The following ARHGAP6 variants were observed in gnomAD, a reference collection of about 807,000 sequenced individuals.
The protein encoded by ARHGAP6 is rho GTPase-activating protein 6.
In ARHGAP6, 16 loss-of-function variants were observed where a neutral mutation model predicts 55.7. The ratio of observed to expected loss-of-function variants is 0.29; its 90% CI spans 0.19 to 0.44. The LOEUF (loss-of-function observed/expected upper bound fraction) is 0.44. Ranked by LOEUF, ARHGAP6 falls within the 20% of genes least tolerant of loss-of-function variation. The pLI is 1.00. For missense variants in ARHGAP6, 698 were observed against 808.9 expected (o/e 0.86, Z 1.66); for synonymous variants, 382 against 360.9 (o/e 1.06, Z -0.66).
chrX:11,286,110 C>T (rs2047918748), intron 1 of ARHGAP6, among the ~76,000 whole-genome samples: 2 of 112,184 alleles, frequency 1.8e-5, no homozygotes, highest in African/African-American at 3.2e-5. Flanking sequence ...ATTATTGACA[C>T]CATGATTCCA....
intron 2 of ARHGAP6, among the ~76,000 whole-genome samples, chrX:11,209,613 T>A (rs780508126): frequency 8.9e-6 from 1 of 112,890 alleles, no homozygotes; most frequent in Admixed American, 9.4e-5. Flanking sequence ...AAAAAATAGA[T>A]CTATTGCTCA....
Position 11,664,576 on chromosome X carries a change from C to T in ARHGAP6, c.253G>A (p.Gly85Ser). 6 of 1,184,536 alleles carry T rather than the reference C, an allele frequency of 5.1e-6. No homozygotes were observed. The highest frequency in any genetic ancestry group is 6.8e-6 in the Non-Finnish European group (6 of 881,577). ...LGPRLASSSR[G>S]PPPRATRLPP... is the part of the protein sequence containing the mutation. ...AGCCTGGTGGCCCTGGGGGGCGGAC[C>T]CCGGGAAGAGGACGCCAAGCGAGGG... Residue 85 changes from glycine to serine, a missense_variant, in exon 1 of 13, where the codon GGT becomes AGT. Coordinates refer to ENST00000337414, the MANE Select transcript of ARHGAP6 (RefSeq NM_013427.3).
At chrX:11,223,509 T>C (rs2047001952) in intron 2 of ARHGAP6, among the ~76,000 whole-genome samples, 1 of 111,521 alleles carries the variant, frequency 9.0e-6, no homozygotes, top group Non-Finnish European at 1.9e-5. Context: ...ATAAAAATAG[T>C]CTTCCTGTAA....
chrX:11,220,777 T>A lies in ARHGAP6; in HGVS notation c.749-23781A>T, dbSNP rs767067605. Reference sequence around the variant, plus strand: ...ATAATGACAGGATCAAATTCACACATAACAATATTAACTTTAAATGTAAAT... The same window carrying A: ...ATAATGACAGGATCAAATTCACACAAAACAATATTAACTTTAAATGTAAAT... On this transcript the variant is annotated intron_variant, in intron 2 of 12. Transcript: ENST00000337414. Among the ~76,000 whole-genome samples the A allele has an allele frequency of 7.2e-4, 78 of 107,624 alleles. 1 individual carries two copies. The highest frequency in any genetic ancestry group is 1.3e-3 in the Non-Finnish European group (68 of 51,877). 93.5% of individuals were successfully genotyped at this position (107,624 alleles called of 115,157 possible). A position where few individuals can be genotyped will look rare whatever the true frequency, so the allele number is the denominator to read the frequency against.
At chrX:11,278,189 T>A (rs975081076) in intron 1 of ARHGAP6, among the ~76,000 whole-genome samples, 1 of 111,580 alleles carries the variant, frequency 9.0e-6, no homozygotes, top group African/African-American at 3.3e-5. Context: ...CACACCCTGA[T>A]TTCTGGAACC....
chrX:11,433,534 A>G (rs2049960110), intron 1 of ARHGAP6, among the ~76,000 whole-genome samples: 1 of 112,147 alleles, frequency 8.9e-6, no homozygotes, highest in Non-Finnish European at 1.9e-5. Flanking sequence ...TTTCCAAATA[A>G]CCATTTGGGA....
At position 11,215,753 on chromosome X, in the gene ARHGAP6, C is replaced by T. The variant is rs150061569; in HGVS notation, c.749-18757G>A. 1.4e-3 allele frequency among the ~76,000 whole-genome samples: 157 copies of T among 112,406 alleles called. 1 individual carries two copies. The highest frequency in any genetic ancestry group is 4.2e-3 in the African/African-American group (131 of 31,013). ...TGGAGTTAAAAACAGTCCAGGGGAG[C>T]CGGAAGAAGGTGCACGCCCAAGGGG... On this transcript the variant is annotated intron_variant, in intron 2 of 12. Coordinates refer to ENST00000337414, the MANE Select transcript of ARHGAP6 (RefSeq NM_013427.3).
At chrX:11,216,104 T>C (rs1211794245) in intron 2 of ARHGAP6, among the ~76,000 whole-genome samples, 1 of 109,660 alleles carries the variant, frequency 9.1e-6, no homozygotes, top group Non-Finnish European at 1.9e-5. Flanking sequence ...ATTCCATGTA[T>C]AGCGCTGCTT....
intron 1 of ARHGAP6, among the ~76,000 whole-genome samples, chrX:11,562,801 G>A (rs1040062047): frequency 2.7e-5 from 3 of 111,999 alleles, no homozygotes; most frequent in South Asian, 7.5e-4. Flanking sequence ...GTCACTCAAG[G>A]TTCAGTGGCT....
intron 1 of ARHGAP6, among the ~76,000 whole-genome samples, chrX:11,660,818 G>A (rs189909444): frequency 1.8e-5 from 2 of 110,734 alleles, no homozygotes; most frequent in African/African-American, 6.6e-5. Context: ...CCTTAGAAAT[G>A]GCAGTCATCT....
intron 2 of ARHGAP6, among the ~76,000 whole-genome samples, chrX:11,238,471 C>A (rs1203675285): frequency 8.9e-6 from 1 of 111,938 alleles, no homozygotes; most frequent in Admixed American, 9.4e-5. Flanking sequence ...GGATGTTTAG[C>A]ATTTAGAGAA....
In ARHGAP6 at chrX:11,225,782, C is replaced by A. The variant is rs765514732; in HGVS notation, c.748+28766G>T. 5 of 406,541 alleles carry A rather than the reference C, an allele frequency of 1.2e-5. No homozygotes were observed. The South Asian group carries it at 2.4e-4, about 19-fold the overall frequency. 33.5% of individuals were successfully genotyped at this position (406,541 alleles called of 1,213,427 possible). On this transcript the variant is annotated intron_variant, in intron 2 of 12. Coordinates refer to ENST00000337414, the MANE Select transcript of ARHGAP6 (RefSeq NM_013427.3). The stretch of plus-strand genomic sequence containing the variant: ...GTCTGTTCTATTTGGTAACACAATA[C>A]GTTCTTATAAAATACAACTCATGAA...
intron 1 of ARHGAP6, among the ~76,000 whole-genome samples, chrX:11,312,824 C>G (rs775102215): frequency 1.8e-5 from 2 of 111,471 alleles, no homozygotes; most frequent in African/African-American, 6.5e-5. Context: ...CTTCTGTCAA[C>G]TCTGCATCCA....
chrX:11,356,608 G>T (rs1260780624), intron 1 of ARHGAP6, among the ~76,000 whole-genome samples: 1 of 110,028 alleles, frequency 9.1e-6, no homozygotes, highest in East Asian at 2.9e-4. Flanking sequence ...TGTCAATGTG[G>T]GTTTTTTTCT....
chrX:11,546,200 A>G (rs1208866357), intron 1 of ARHGAP6, among the ~76,000 whole-genome samples: 1 of 110,749 alleles, frequency 9.0e-6, no homozygotes, highest in African/African-American at 3.3e-5. Flanking sequence ...ATGCTGGGAC[A>G]TTATTTATAC....
chrX:11,439,595 GA>G (rs202101620), intron 1 of ARHGAP6, among the ~76,000 whole-genome samples: 1,147 of 110,734 alleles, frequency 0.01, 18 homozygotes, highest in African/African-American at 0.035. Flanking sequence ...AAGCCCAAAA[GA>G]AAAAAAAATT....
intron 1 of ARHGAP6, among the ~76,000 whole-genome samples, chrX:11,662,960 T>C (rs1028474176): frequency 8.9e-6 from 1 of 112,021 alleles, no homozygotes; most frequent in African/African-American, 3.2e-5. Context: ...GGAGGTAACA[T>C]CTTGCCCTCT....
chrX:11,138,482 G>T lies in ARHGAP6; in HGVS notation c.*381C>A. The stretch of plus-strand genomic sequence containing the variant: ...TAAAAGTTCCTTTTGTTTTCTCTTT[G>T]TGAATATATCATATATGATTATACA... On this transcript the variant is annotated 3_prime_UTR_variant, in exon 13 of 13. Transcript: ENST00000337414. 1 of 150,906 alleles carries T rather than the reference G, an allele frequency of 6.6e-6. No individual in the cohort carries two copies. The highest frequency in any genetic ancestry group is 1.3e-5 in the Non-Finnish European group (1 of 79,908). The allele number at this position is 150,906 out of a possible 1,213,427, so 12.4% of individuals were successfully genotyped here.
intron 1 of ARHGAP6, among the ~76,000 whole-genome samples, chrX:11,312,585 T>C (rs2048313347): frequency 9.0e-6 from 1 of 111,511 alleles, no homozygotes; most frequent in African/African-American, 3.3e-5. Context: ...CTGGCAAATG[T>C]TTTGGTATCC....
Sources: gnomAD v4.1 joint callset for allele counts (sites outside exome capture counted in the v4.1 genomes callset) on GRCh38, gnomAD v4.1.1 for gene constraint, MANE v1.5 for transcripts, NCBI Gene and HGNC (gene_info 2026-07-23, HGNC 2026-07-21) for gene names.